The following CSMD2 variants were observed in gnomAD, a reference collection of about 807,000 sequenced individuals.
CSMD2 encodes the protein CUB and sushi domain-containing protein 2.
In CSMD2, 130 loss-of-function variants were observed where a neutral mutation model predicts 398.5. The ratio of observed to expected loss-of-function variants is 0.33; its 90% CI spans 0.28 to 0.38. The LOEUF (loss-of-function observed/expected upper bound fraction) is 0.38. Among genes scored for constraint, CSMD2 ranks in the 10% least tolerant of loss-of-function variants. CSMD2 has a pLI of 1.00. For missense variants in CSMD2, 3,829 were observed against 4,764.9 expected, an observed-to-expected ratio of 0.80 and a Z score of 5.78; for synonymous variants, 1,828 against 1,908.5, an observed-to-expected ratio of 0.96 and a Z score of 1.10.
chr1:34,102,578 A>G (rs2358698), intron 1 of CSMD2, among the ~76,000 whole-genome samples: 91 of 51,018 alleles, frequency 1.8e-3, no homozygotes, highest in African/African-American at 3.0e-3. Flanking sequence ...CCTGTGATCC[A>G]GCCATATCCC....
rs751100488 is a variant in CSMD2 at position 33,611,218 on chromosome 1, C to T, written c.6166G>A (p.Glu2056Lys). ...AHIQFLNFST[E>K]PNHDYIEIRN... ...ATTTCTATGTAGTCGTGGTTGGGCT[C>T]GGTGGAGAAGTTCAGGAACTGGATG... The change falls in exon 41 of 71, where the codon GAG becomes AAG. Residue 2056 changes from glutamate (E) to lysine (K), a missense_variant. Glu to Lys is a moderately conservative substitution (Grantham distance 56, BLOSUM62 1). Around this residue, in one of 5 missense-constraint regions of CSMD2, gnomAD observed 2,001 missense variants for 2,567.1 expected, o/e 0.78. Coordinates refer to ENST00000373381, the MANE Select transcript of CSMD2 (RefSeq NM_001281956.2). 1.9e-6 allele frequency: 3 copies of T among 1,613,868 alleles called. No individual in the cohort carries two copies. Among genetic ancestry groups the T allele is most frequent in the African/African-American group, 1.3e-5 (1 of 74,858 alleles).
At chr1:33,985,583 C>T (rs1646331953) in intron 3 of CSMD2, among the ~76,000 whole-genome samples, 1 of 152,154 alleles carries the variant, frequency 6.6e-6, no homozygotes, top group Admixed American at 6.5e-5. Flanking sequence ...CCTGGTGCTG[C>T]CACTTGCTCA....
rs959291335 is a variant in CSMD2, at chr1:33,633,518, C to A, written c.5104G>T (p.Ala1702Ser). ...PKDYVVFGQF[A>S]FFHTALNDVV... is the part of the protein sequence containing the mutation. ...TCGTTGAGGGCCGTGTGAAAGAAGG[C>A]GAACTGGCCAAACACCACTGTGGAG... Residue 1702 changes from alanine (A) to serine (S), a missense_variant, in exon 32 of 71, where the codon GCC (alanine) becomes TCC (serine). By Grantham distance (99) the Ala-to-Ser change is moderately conservative. Coordinates refer to ENST00000373381, the MANE Select transcript of CSMD2 (RefSeq NM_001281956.2). The surrounding 1 kb of genome is among the most constrained non-coding windows in gnomAD (Gnocchi z 5.0). The A allele has an allele frequency of 6.4e-7, 1 of 1,552,556 alleles. No individual in the cohort carries two copies.
intron 58 of CSMD2, among the ~76,000 whole-genome samples, chr1:33,542,227 C>T (rs1448019863): frequency 6.6e-6 from 1 of 152,180 alleles, no homozygotes; most frequent in Non-Finnish European, 1.5e-5. Context: ...GAAATTGGAG[C>T]TGTGAGGCTA....
intron 29 of CSMD2, among the ~76,000 whole-genome samples, chr1:33,640,789 T>A (rs1643061277): frequency 6.6e-6 from 1 of 152,176 alleles, no homozygotes; most frequent in South Asian, 2.1e-4. Context: ...ATGCATTCCT[T>A]TAAAAGGAGG....
At chr1:33,799,453 C>A (rs1655337205) in intron 10 of CSMD2, among the ~76,000 whole-genome samples, 2 of 152,180 alleles carry the variant, frequency 1.3e-5, no homozygotes, top group Admixed American at 6.5e-5. Flanking sequence ...CCATTTTGAT[C>A]TAGTTCATAA....
intron 39 of CSMD2, among the ~76,000 whole-genome samples, chr1:33,615,063 G>A (rs1641296911): frequency 6.6e-6 from 1 of 152,222 alleles, no homozygotes; most frequent in Non-Finnish European, 1.5e-5. Context: ...TCCCCACTCT[G>A]TGCCCGGCAC....
chr1:33,586,738 C>A, intron 45 of CSMD2, 121 bp from the exon 46 acceptor site: 1 of 655,568 alleles, frequency 1.5e-6, no homozygotes, highest in South Asian at 1.8e-5. Flanking sequence ...AAATAACTAG[C>A]TCAGCTCCCA....
At chr1:33,943,052 T>C (rs905495430) in intron 3 of CSMD2, among the ~76,000 whole-genome samples, 2 of 152,184 alleles carry the variant, frequency 1.3e-5, no homozygotes, top group Admixed American at 1.3e-4. Context: ...GGCCATGCCC[T>C]ATTGACCCTG....
chr1:33,582,061 C>G (rs988443180), intron 47 of CSMD2, among the ~76,000 whole-genome samples: 6 of 152,118 alleles, frequency 3.9e-5, no homozygotes, highest in African/African-American at 1.4e-4. Flanking sequence ...CTCCAGCCTT[C>G]CTGGAGCGGG....
chr1:33,737,897 C>T (rs1646935264), intron 15 of CSMD2, among the ~76,000 whole-genome samples: 1 of 152,210 alleles, frequency 6.6e-6, no homozygotes, highest in East Asian at 1.9e-4. Context: ...CTACTCCATA[C>T]ACATCTGATA....
At chr1:33,963,324 GATTT>G (rs1288044160) in intron 3 of CSMD2, among the ~76,000 whole-genome samples, 4 of 152,160 alleles carry the variant, frequency 2.6e-5, no homozygotes, top group Non-Finnish European at 5.9e-5. Context: ...CAAAGATTCC[GATTT>G]ATTTGGTCTT....
intron 53 of CSMD2, among the ~76,000 whole-genome samples, chr1:33,566,357 T>C (rs1419344188): frequency 1.3e-5 from 2 of 150,162 alleles, no homozygotes; most frequent in Admixed American, 1.3e-4. Context: ...ATTAAACTAA[T>C]ATTATAATTC....
chr1:33,964,736 G>T (rs1409279960), intron 3 of CSMD2, among the ~76,000 whole-genome samples: 5 of 152,100 alleles, frequency 3.3e-5, no homozygotes, highest in African/African-American at 1.2e-4. Context: ...AGGCCTTCCT[G>T]GCCCTAGATG....
intron 1 of CSMD2, among the ~76,000 whole-genome samples, chr1:34,108,820 AG>A (rs1388074783): frequency 1.3e-5 from 2 of 152,206 alleles, no homozygotes; most frequent in Non-Finnish European, 2.9e-5. Context: ...GATTTGACAC[AG>A]GAGTCCTGGG....
At chr1:33,652,601 G>T in intron 27 of CSMD2, 140 bp from the exon 28 acceptor site, 1 of 862,952 alleles carries the variant, frequency 1.2e-6, no homozygotes, top group Non-Finnish European at 1.8e-6. Flanking sequence ...CTCAGGAGAA[G>T]GTGAAATGAT....
Position 33,616,973 on chromosome 1 carries a change from G to C in CSMD2, c.5949C>G (p.Gly1983=). 1 of 1,614,002 alleles carries C rather than the reference G, an allele frequency of 6.2e-7. No homozygotes were observed. The change falls in exon 39 of 71, where the codon GGC becomes GGG. Residue 1983 remains glycine (G), a splice_region_variant and synonymous_variant. Coordinates refer to ENST00000373381, the MANE Select transcript of CSMD2 (RefSeq NM_001281956.2). ...CGGGCATGCAGGAGATGTGGGCGTG[G>C]CCCTGGAGGAATCAGGAACAGGGAT... ...FQCEPGYALQ[G]HAHISCMPGT...
rs79851913 is a variant in CSMD2 at position 34,137,613 on chromosome 1, C to T, written c.187+27298G>A. On this transcript the variant is annotated intron_variant, in intron 1 of 70. Transcript: ENST00000373381. ...GGTGAAGCCCTAGCCATGACACCAG[C>T]GCTCCTGGCCCAGTGTATAGCCTGT... 6.1e-3 allele frequency among the ~76,000 whole-genome samples: 933 copies of T among 152,294 alleles called. 9 individuals are homozygous for T. Among genetic ancestry groups the T allele is most frequent in the African/African-American group, 0.021 (881 of 41,560 alleles).
chr1:34,113,476 C>T (rs1661299165), intron 1 of CSMD2, among the ~76,000 whole-genome samples: 1 of 152,196 alleles, frequency 6.6e-6, no homozygotes, highest in Admixed American at 6.5e-5. Flanking sequence ...CATCACATGC[C>T]CCATGGTCAC....
Sources: gnomAD v4.1 joint callset for allele counts (sites outside exome capture counted in the v4.1 genomes callset) on GRCh38, gnomAD v4.1.1 for gene constraint, gnomAD v4.1.1 regional missense constraint, Gnocchi (gnomAD v3.1) non-coding constraint, MANE v1.5 for transcripts, NCBI Gene and HGNC (gene_info 2026-07-23, HGNC 2026-07-21) for gene names.